FUNDC2: variants seen among roughly 807,000 people sequenced by gnomAD.
FUNDC2 encodes the protein FUN14 domain containing 2.
A neutral mutation model predicts 15.6 loss-of-function variants in FUNDC2; 4 were observed. That is an observed-to-expected ratio of 0.26 (90% confidence interval 0.13 to 0.59). FUNDC2 has a LOEUF of 0.59. FUNDC2 is among the 20% of genes least tolerant of loss of function. The pLI is 0.90. For synonymous variants in FUNDC2, 44 were observed against 56.9 expected (o/e 0.77, Z 1.02); for missense variants, 98 against 149.7 (o/e 0.65, Z 1.80).
chrX:155,034,828 C>T (rs183892281), intron 2 of FUNDC2, among the ~76,000 whole-genome samples: 2 of 111,881 alleles, frequency 1.8e-5, no homozygotes, highest in East Asian at 2.8e-4. Context: ...TGACATTGAT[C>T]GACTTTTACG....
intron 1 of FUNDC2, among the ~76,000 whole-genome samples, chrX:155,028,109 G>A (rs73641116): frequency 0.015 from 1,628 of 111,579 alleles, 32 homozygotes; most frequent in African/African-American, 0.05. Flanking sequence ...AGAGCAGACT[G>A]CTCTTATAGG....
At chrX:155,052,832 A>G (rs2073882916) in intron 4 of FUNDC2, among the ~76,000 whole-genome samples, 1 of 112,367 alleles carries the variant, frequency 8.9e-6, no homozygotes, top group Non-Finnish European at 1.9e-5. Context: ...TATTATTCAA[A>G]TGTTTATAAA....
rs782577642 is a variant in FUNDC2 at position 155,033,499 on chromosome X, C to T, written c.230C>T (p.Ser77Leu). 8.3e-7 allele frequency: 1 copy of T among 1,211,476 alleles called. No individual in the cohort carries two copies. The highest frequency in any genetic ancestry group is 2.2e-5 in the Admixed American group (1 of 46,091). Residue 77 changes from serine to leucine, a missense_variant, in exon 2 of 5, where the codon TCA becomes TTA. Coordinates refer to ENST00000369498, the MANE Select transcript of FUNDC2 (RefSeq NM_023934.4). ...CTGTTCGGGCAGGAATCTGGACCTT[C>T]AGCAGAAAAGTATAGCGTGGCAACC... Reference protein sequence around the residue: ...RKLFGQESGPSAEKYSVATQL... With the variant: ...RKLFGQESGPLAEKYSVATQL...
At position 155,055,965 on chromosome X, in the gene FUNDC2, A is replaced by C. The variant is rs1361692951; in HGVS notation, c.*1293A>C. The C allele has an allele frequency of 8.9e-6, 1 of 112,226 alleles. No individual in the cohort carries two copies. The highest frequency in any genetic ancestry group is 1.9e-5 in the Non-Finnish European group (1 of 53,252). 9.2% of individuals were successfully genotyped at this position (112,226 alleles called of 1,213,427 possible). On this transcript the variant is annotated 3_prime_UTR_variant, in exon 5 of 5. Transcript: ENST00000369498. ...TCTTGAGAATGATGTATTGAATTTG[A>C]AAATCAAAACTACCAGTGGATGTGT...
chrX:155,030,840 TA>T (rs1360799505), intron 1 of FUNDC2, among the ~76,000 whole-genome samples: 8 of 108,412 alleles, frequency 7.4e-5, no homozygotes, highest in Admixed American at 6.9e-4. Flanking sequence ...CGCCTGCCAC[TA>T]TGCCCGGCTA....
rs1396027004 is a variant in FUNDC2 at position 155,057,718 on chromosome X, G to C, written c.*3046G>C. The C allele has an allele frequency of 4.5e-5, 5 of 111,806 alleles. No homozygotes were observed. The highest frequency in any genetic ancestry group is 9.4e-5 in the Non-Finnish European group (5 of 53,195). The allele number at this position is 111,806 out of a possible 1,213,427, so 9.2% of individuals were successfully genotyped here. Reference sequence around the variant, plus strand: ...GTCGGCCCTGCGTCCTCACCACTTTGAGCCACCCTTTGACCCAGCGTCTCT... The same window carrying C: ...GTCGGCCCTGCGTCCTCACCACTTTCAGCCACCCTTTGACCCAGCGTCTCT... On this transcript the variant is annotated 3_prime_UTR_variant, in exon 5 of 5. Coordinates refer to ENST00000369498, the MANE Select transcript of FUNDC2 (RefSeq NM_023934.4).
chrX:155,030,902 G>C (rs372958527), intron 1 of FUNDC2, among the ~76,000 whole-genome samples: 160 of 110,174 alleles, frequency 1.5e-3, no homozygotes, highest in African/African-American at 5.1e-3. Flanking sequence ...GGCCAGGCTG[G>C]TCTCGAACTC....
At chrX:155,032,691 A>G (rs1179993748) in intron 1 of FUNDC2, among the ~76,000 whole-genome samples, 1 of 112,050 alleles carries the variant, frequency 8.9e-6, no homozygotes, top group Admixed American at 9.4e-5. Flanking sequence ...TAAGAGCTCA[A>G]TTAAACATTA....
Position 155,046,686 on chromosome X carries a change from C to T in FUNDC2, c.360+102C>T, listed in dbSNP as rs782258108. ...ACAGTCCTGGCTATGTCACACTAGA[C>T]TAGCCTTAGCACTTGTTTTCATGTA... On this transcript the variant is annotated intron_variant, in intron 3 of 4. Coordinates refer to ENST00000369498, the MANE Select transcript of FUNDC2 (RefSeq NM_023934.4). 1.1e-5 allele frequency: 7 copies of T among 620,481 alleles called. No individual in the cohort carries two copies. In the Admixed American group the frequency reaches 1.7e-4, roughly 15 times the overall value. The allele number at this position is 620,481 out of a possible 1,213,427, so 51.1% of individuals were successfully genotyped here.
rs1557291099 is a variant in FUNDC2, at chrX:155,057,096, A to AAC, written c.*2424_*2425insAC. ...CCCACGGTGTGAGGCCACTGTGACC[A>AAC]CTTGGGATTGTGCAGAGCTGGCATG... On this transcript the variant is annotated 3_prime_UTR_variant, in exon 5 of 5. Coordinates refer to ENST00000369498, the MANE Select transcript of FUNDC2 (RefSeq NM_023934.4). 211 of 103,756 alleles carry AAC rather than the reference A, an allele frequency of 2.0e-3. No individual in the cohort carries two copies. Among genetic ancestry groups the AAC allele is most frequent in the African/African-American group, 6.9e-3 (206 of 29,911 alleles). The allele number at this position is 103,756 out of a possible 1,213,427, so 8.6% of individuals were successfully genotyped here. A position where few individuals can be genotyped will look rare whatever the true frequency, so the allele number is the denominator to read the frequency against.
intron 4 of FUNDC2, chrX:155,054,169 C>T: frequency 1.3e-6 from 1 of 753,275 alleles, no homozygotes; most frequent in Non-Finnish European, 1.6e-6. Context: ...AAATGAGAAG[C>T]CTCTATTGGA....
chrX:155,043,457 C>T (rs369111855), intron 2 of FUNDC2, among the ~76,000 whole-genome samples: 1 of 111,509 alleles, frequency 9.0e-6, no homozygotes. Flanking sequence ...AATTAGATGG[C>T]AGATATTATG....
At chrX:155,036,614 G>A (rs1569560177) in intron 2 of FUNDC2, among the ~76,000 whole-genome samples, 1 of 110,517 alleles carries the variant, frequency 9.0e-6, no homozygotes, top group Non-Finnish European at 1.9e-5. Context: ...ATATAGGTTC[G>A]GATTTTATAT....
intron 1 of FUNDC2, 77 bp downstream of exon 1, chrX:155,027,148 C>T (rs1226185399): frequency 6.1e-6 from 6 of 983,413 alleles, no homozygotes; most frequent in South Asian, 6.0e-5. Flanking sequence ...GGCTCCGCGC[C>T]CGCCAGTCGC....
At chrX:155,049,039 G>A (rs368508061) in intron 3 of FUNDC2, 2 of 112,647 alleles carry the variant, frequency 1.8e-5, no homozygotes, top group African/African-American at 3.2e-5. Context: ...TTTCCTTCAC[G>A]TCTTTATGAA....
rs1448144564 is a variant in FUNDC2, at chrX:155,027,212, G to T, written c.133+141G>T. On this transcript the variant is annotated intron_variant, in intron 1 of 4. Transcript: ENST00000369498. ...CGCGGGGACGGGGAGGGCGCTCGGG[G>T]ATCGCCCCTGGCTCAGCCGCTCCCA... 14 of 667,106 alleles carry T rather than the reference G, an allele frequency of 2.1e-5. No individual in the cohort carries two copies. The African/African-American group carries it at 2.8e-4, about 13-fold the overall frequency. The allele number at this position is 667,106 out of a possible 1,213,427, so 55.0% of individuals were successfully genotyped here. A position where few individuals can be genotyped will look rare whatever the true frequency, so the allele number is the denominator to read the frequency against.
chrX:155,027,321 G>T, intron 1 of FUNDC2: 1 of 239,655 alleles, frequency 4.2e-6, no homozygotes. Flanking sequence ...GCCTTCCGGC[G>T]CCGCCCCCGG....
intron 1 of FUNDC2, among the ~76,000 whole-genome samples, chrX:155,031,880 A>G (rs896587456): frequency 1.8e-5 from 2 of 111,367 alleles, no homozygotes; most frequent in African/African-American, 3.3e-5. Context: ...ATAGTAGGGG[A>G]GCCTGACATT....
intron 2 of FUNDC2, among the ~76,000 whole-genome samples, chrX:155,040,659 T>G (rs889229345): frequency 8.9e-6 from 1 of 112,025 alleles, no homozygotes; most frequent in South Asian, 3.7e-4. Context: ...GGTATAAGTA[T>G]TTTTTCAATA....
Sources: allele counts gnomAD v4.1 joint callset (sites outside exome capture counted in the v4.1 genomes callset), GRCh38; gene constraint gnomAD v4.1.1; transcripts MANE v1.5; gene names NCBI Gene and HGNC (gene_info 2026-07-23, HGNC 2026-07-21).